The following PPM1E variants were observed in gnomAD, a reference collection of about 807,000 sequenced individuals.
PPM1E encodes the protein protein phosphatase 1E.
In PPM1E, 20 loss-of-function variants were observed where a neutral mutation model predicts 65.9. The observed-to-expected ratio is 0.30, with a 90% CI of 0.21 to 0.44. PPM1E has a LOEUF of 0.44. PPM1E is among the 20% of genes least tolerant of loss of function. The pLI is 1.00. For synonymous variants in PPM1E, 352 were observed against 374.9 expected, an observed-to-expected ratio of 0.94 and a Z score of 0.70; for missense variants, 713 against 953.1, an observed-to-expected ratio of 0.75 and a Z score of 3.32.
intron 1 of PPM1E, among the ~76,000 whole-genome samples, chr17:58,852,608 T>G (rs961810697): frequency 6.8e-6 from 1 of 146,074 alleles, no homozygotes; most frequent in African/African-American, 2.7e-5. Context: ...TTTGTTTTTT[T>G]TTGTTTTTTT....
intron 1 of PPM1E, among the ~76,000 whole-genome samples, chr17:58,757,233 T>C (rs1197374911): frequency 6.6e-6 from 1 of 152,196 alleles, no homozygotes; most frequent in Non-Finnish European, 1.5e-5. Flanking sequence ...AAAGTCAGGC[T>C]GTTTTGATTA....
At chr17:58,941,297 G>A (rs952548819) in intron 1 of PPM1E, among the ~76,000 whole-genome samples, 10 of 152,132 alleles carry the variant, frequency 6.6e-5, no homozygotes, top group African/African-American at 2.4e-4. Context: ...TTGTTAAAGG[G>A]TAGTAGCTTT....
At chr17:58,789,354 T>C (rs1411097184) in intron 1 of PPM1E, among the ~76,000 whole-genome samples, 1 of 152,230 alleles carries the variant, frequency 6.6e-6, no homozygotes, top group Non-Finnish European at 1.5e-5. Context: ...TATTCATCTA[T>C]TTCTGTCACT....
intron 1 of PPM1E, among the ~76,000 whole-genome samples, chr17:58,897,530 C>G (rs1014722455): frequency 6.6e-6 from 1 of 152,168 alleles, no homozygotes; most frequent in Admixed American, 6.5e-5. Flanking sequence ...TTTATTAACA[C>G]AACATCCCCA....
At chr17:58,930,660 G>A (rs1048327663) in intron 1 of PPM1E, among the ~76,000 whole-genome samples, 8 of 151,808 alleles carry the variant, frequency 5.3e-5, no homozygotes, top group Admixed American at 5.2e-4. Flanking sequence ...ATAAGTAAAC[G>A]AAAAAAATTG....
At chr17:58,857,845 A>G (rs878890618) in intron 1 of PPM1E, among the ~76,000 whole-genome samples, 1 of 152,136 alleles carries the variant, frequency 6.6e-6, no homozygotes, top group Admixed American at 6.5e-5. Context: ...TATTTTAATA[A>G]TTTCAGGAAG....
chr17:58,866,658 T>C (rs1348347941), intron 1 of PPM1E, among the ~76,000 whole-genome samples: 2 of 152,230 alleles, frequency 1.3e-5, no homozygotes, highest in East Asian at 3.8e-4. Context: ...CCAGAGACTT[T>C]CAGCTATTGC....
intron 1 of PPM1E, among the ~76,000 whole-genome samples, chr17:58,863,259 AC>A (rs1194962109): frequency 6.6e-6 from 1 of 152,078 alleles, no homozygotes; most frequent in Non-Finnish European, 1.5e-5. Context: ...AGTTCCCTTG[AC>A]CCCTTTGTGA....
chr17:58,939,103 T>C (rs929427784), intron 1 of PPM1E, among the ~76,000 whole-genome samples: 12 of 152,136 alleles, frequency 7.9e-5, no homozygotes, highest in Non-Finnish European at 1.5e-4. Context: ...ATTCCGATAA[T>C]GACTTGGATA....
chr17:58,959,761 T>C (rs922143167), intron 2 of PPM1E, among the ~76,000 whole-genome samples: 1 of 151,684 alleles, frequency 6.6e-6, no homozygotes, highest in African/African-American at 2.4e-5. Flanking sequence ...GCCTACTATA[T>C]ATGCTACTAT....
chr17:58,848,222 G>C (rs922255085), intron 1 of PPM1E, among the ~76,000 whole-genome samples: 3 of 152,140 alleles, frequency 2.0e-5, no homozygotes, highest in African/African-American at 4.8e-5. Context: ...TCTGCAAACA[G>C]GGACAATTTG....
intron 1 of PPM1E, among the ~76,000 whole-genome samples, chr17:58,936,551 C>T (rs540885204): frequency 1.2e-4 from 19 of 152,262 alleles, no homozygotes; most frequent in Middle Eastern, 3.4e-3. Context: ...GCCCACATTG[C>T]CAATGTCAGG....
At chr17:58,890,786 A>G (rs2051335382) in intron 1 of PPM1E, among the ~76,000 whole-genome samples, 1 of 151,878 alleles carries the variant, frequency 6.6e-6, no homozygotes, top group South Asian at 2.1e-4. Context: ...TCTCTTAAAT[A>G]CTCATTGAGT....
intron 1 of PPM1E, among the ~76,000 whole-genome samples, chr17:58,816,778 ATATATATATATATATATTTTTTTT>A (rs1448719801): frequency 1.1e-3 from 11 of 9,576 alleles, no homozygotes; most frequent in Admixed American, 1.7e-3. Flanking sequence ...ATATATATAT[ATATATATATATATATATTTTTTTT>A]TTTTTTTTTT....
chr17:58,845,255 T>G (rs1185766032), intron 1 of PPM1E, among the ~76,000 whole-genome samples: 2 of 152,052 alleles, frequency 1.3e-5, no homozygotes, highest in African/African-American at 4.8e-5. Flanking sequence ...GGATTTACTT[T>G]TACAGATTCA....
At chr17:58,882,213 T>C (rs2051203916) in intron 1 of PPM1E, among the ~76,000 whole-genome samples, 1 of 151,834 alleles carries the variant, frequency 6.6e-6, no homozygotes, top group Non-Finnish European at 1.5e-5. Flanking sequence ...TAAAAAGCAG[T>C]GTTACCTTTT....
At chr17:58,972,055 A>T in intron 4 of PPM1E, 77 bp from the exon 5 acceptor site, 2 of 1,394,362 alleles carry the variant, frequency 1.4e-6, no homozygotes, top group Non-Finnish European at 2.0e-6. Flanking sequence ...GAAAAGCTTA[A>T]TTATAAATTG....
intron 1 of PPM1E, among the ~76,000 whole-genome samples, chr17:58,802,583 T>C (rs890003115): frequency 2.0e-5 from 3 of 152,156 alleles, no homozygotes; most frequent in Non-Finnish European, 4.4e-5. Context: ...GAAAATACCA[T>C]TGGAATTTTG....
At chr17:58,935,220 A>C (rs1267135590) in intron 1 of PPM1E, among the ~76,000 whole-genome samples, 1 of 149,960 alleles carries the variant, frequency 6.7e-6, no homozygotes, top group Non-Finnish European at 1.5e-5. Context: ...CACGCACTCC[A>C]GCCTGGGCGA....
Sources: allele counts gnomAD v4.1 joint callset (sites outside exome capture counted in the v4.1 genomes callset), GRCh38; gene constraint gnomAD v4.1.1; transcripts MANE v1.5; gene names NCBI Gene and HGNC (gene_info 2026-07-23, HGNC 2026-07-21).